TAS2R1: variants seen among roughly 807,000 people sequenced by gnomAD.
TAS2R1 encodes the protein taste 2 receptor member 1, also known as taste receptor type 2 member 1.
For missense variants in TAS2R1, 370 were observed against 353.4 expected (o/e 1.05, Z -0.38); for synonymous variants, 141 against 134.2 (o/e 1.05, Z -0.35).
At chr5:9,892,504 T>C in the TAS2R1 span, among the ~76,000 whole-genome samples, 52 of 152,200 alleles carry the variant, frequency 3.4e-4, no homozygotes, top group Non-Finnish European at 5.9e-4. Flanking sequence ...CTAGTTGAGC[T>C]GGTGTCCAGG....
the TAS2R1 span, among the ~76,000 whole-genome samples, chr5:9,775,390 G>A: frequency 1.3e-5 from 2 of 152,062 alleles, no homozygotes; most frequent in African/African-American, 4.8e-5. Flanking sequence ...TTCTGGAACT[G>A]GGGACCCTGA....
chr5:9,893,695 C>A, the TAS2R1 span, among the ~76,000 whole-genome samples: 4 of 152,216 alleles, frequency 2.6e-5, no homozygotes, highest in African/African-American at 9.7e-5. Flanking sequence ...GAGAGAAGGA[C>A]TTCTATGCAA....
chr5:9,707,237 A>C (rs189458937), intron 1 of TAS2R1, among the ~76,000 whole-genome samples: 3 of 152,318 alleles, frequency 2.0e-5, no homozygotes, highest in African/African-American at 7.2e-5. Flanking sequence ...ATGAGAAGGC[A>C]GGAAGATGGG....
At chr5:9,877,176 T>C in the TAS2R1 span, among the ~76,000 whole-genome samples, 1 of 152,214 alleles carries the variant, frequency 6.6e-6, no homozygotes, top group Non-Finnish European at 1.5e-5. Flanking sequence ...TTTTCACAAC[T>C]GGCCTCTCTT....
At chr5:9,820,181 G>A in the TAS2R1 span, among the ~76,000 whole-genome samples, 2,435 of 152,206 alleles carry the variant, frequency 0.016, 42 homozygotes, top group African/African-American at 0.052. Flanking sequence ...GCATTCCATT[G>A]ATCAGAAACT....
At chr5:9,808,343 T>C in the TAS2R1 span, among the ~76,000 whole-genome samples, 1 of 152,128 alleles carries the variant, frequency 6.6e-6, no homozygotes, top group Non-Finnish European at 1.5e-5. Context: ...TGAAGTTAGC[T>C]ATTTAGCTGA....
At chr5:9,879,981 T>C in the TAS2R1 span, among the ~76,000 whole-genome samples, 1 of 152,190 alleles carries the variant, frequency 6.6e-6, no homozygotes, top group Admixed American at 6.5e-5. Context: ...CTGCAGGGTT[T>C]GCTTGATTTT....
At chr5:9,773,958 C>T in the TAS2R1 span, among the ~76,000 whole-genome samples, 7 of 152,118 alleles carry the variant, frequency 4.6e-5, no homozygotes, top group Non-Finnish European at 1.0e-4. Flanking sequence ...TGATATATTT[C>T]TGTACATTTG....
the TAS2R1 span, among the ~76,000 whole-genome samples, chr5:9,825,290 A>T: frequency 3.9e-5 from 6 of 152,318 alleles, no homozygotes; most frequent in African/African-American, 1.4e-4. Flanking sequence ...CCTCACAATC[A>T]CAGCAGAAGA....
chr5:9,835,451 C>T, the TAS2R1 span, among the ~76,000 whole-genome samples: 1 of 152,086 alleles, frequency 6.6e-6, no homozygotes, highest in South Asian at 2.1e-4. Context: ...TTCTTTTGTG[C>T]CTGTCAATAA....
At chr5:9,868,632 T>G in the TAS2R1 span, among the ~76,000 whole-genome samples, 1 of 152,216 alleles carries the variant, frequency 6.6e-6, no homozygotes, top group Admixed American at 6.5e-5. Context: ...TTTCCCCATT[T>G]TCTTGGTGAC....
At chr5:9,693,945 A>C (rs369844231) in intron 1 of TAS2R1, among the ~76,000 whole-genome samples, 2 of 152,234 alleles carry the variant, frequency 1.3e-5, no homozygotes, top group South Asian at 2.1e-4. Context: ...GGCTATTATA[A>C]CGCAATAACC....
intron 1 of TAS2R1, among the ~76,000 whole-genome samples, chr5:9,691,549 G>T (rs1741249803): frequency 1.3e-5 from 2 of 152,216 alleles, no homozygotes; most frequent in African/African-American, 4.8e-5. Context: ...CTTGGAAGAT[G>T]CCAGATGAGC....
At chr5:9,811,821 C>A in the TAS2R1 span, among the ~76,000 whole-genome samples, 1 of 152,250 alleles carries the variant, frequency 6.6e-6, no homozygotes, top group East Asian at 1.9e-4. Context: ...TTACAGGGCC[C>A]TTATGATGTG....
intron 1 of TAS2R1, among the ~76,000 whole-genome samples, chr5:9,706,804 C>A (rs560705916): frequency 6.6e-6 from 1 of 152,142 alleles, no homozygotes; most frequent in Non-Finnish European, 1.5e-5. Flanking sequence ...GGGGAGGGAG[C>A]TGCAGGCATG....
At chr5:9,703,907 C>T (rs1910073) in intron 1 of TAS2R1, among the ~76,000 whole-genome samples, 1 of 152,174 alleles carries the variant, frequency 6.6e-6, no homozygotes, top group Non-Finnish European at 1.5e-5. Context: ...ACCTAATATC[C>T]TAAGTCCAAG....
At chr5:9,676,452 C>A (rs537413681) in intron 1 of TAS2R1, among the ~76,000 whole-genome samples, 4 of 152,244 alleles carry the variant, frequency 2.6e-5, no homozygotes, top group South Asian at 2.1e-4. Context: ...AATAGACCTA[C>A]ACAAAATATT....
chr5:9,822,331 T>C, the TAS2R1 span, among the ~76,000 whole-genome samples: 1 of 149,444 alleles, frequency 6.7e-6, no homozygotes, highest in Non-Finnish European at 1.5e-5. Context: ...TAATATGTAA[T>C]GTATGCATGT....
At chr5:9,827,600 A>G in the TAS2R1 span, among the ~76,000 whole-genome samples, 10 of 46,958 alleles carry the variant, frequency 2.1e-4, no homozygotes, top group African/African-American at 4.5e-4. Flanking sequence ...GGTGGCATGC[A>G]CACACACACA....
Sources: gnomAD v4.1 joint callset for allele counts (sites outside exome capture counted in the v4.1 genomes callset) on GRCh38, gnomAD v4.1.1 for gene constraint, MANE v1.5 for transcripts, NCBI Gene and HGNC (gene_info 2026-07-23, HGNC 2026-07-21) for gene names.